The following PDSS2 variants were observed in gnomAD, a reference collection of about 807,000 sequenced individuals.
PDSS2 encodes the protein decaprenyl diphosphate synthase subunit 2.
Under a neutral mutation model 44.5 loss-of-function variants are expected in PDSS2, and 31 were observed. That is an observed-to-expected ratio of 0.70 (90% CI 0.52 to 0.94). The LOEUF (loss-of-function observed/expected upper bound fraction) is 0.94, where lower values mean the gene tolerates loss of function less well. Among genes scored for constraint, PDSS2 ranks in the 40% least tolerant of loss-of-function variants. The pLI is 0.00. For missense variants in PDSS2, 452 were observed against 482.2 expected (o/e 0.94, Z 0.59); for synonymous variants, 157 against 180.3 (o/e 0.87, Z 1.03).
At chr6:107,442,143 G>A (rs777594683) in intron 1 of PDSS2, among the ~76,000 whole-genome samples, 8 of 152,260 alleles carry the variant, frequency 5.3e-5, no homozygotes, top group East Asian at 1.9e-4. Context: ...TTGGCTAGGC[G>A]CGGTGGCTCA....
chr6:107,286,504 C>T (rs967979618), intron 2 of PDSS2, among the ~76,000 whole-genome samples: 1 of 146,244 alleles, frequency 6.8e-6, no homozygotes, highest in Non-Finnish European at 1.5e-5. Context: ...AGTGAGACTC[C>T]ATCTCAAAAA....
chr6:107,375,552 G>C (rs1009158913), intron 1 of PDSS2, among the ~76,000 whole-genome samples: 4 of 152,158 alleles, frequency 2.6e-5, no homozygotes, highest in Non-Finnish European at 4.4e-5. Flanking sequence ...AACTAAAACA[G>C]TTCAGCCCAG....
intron 1 of PDSS2, among the ~76,000 whole-genome samples, chr6:107,425,286 G>GGGTAACAGGCAGA (rs1366155511): frequency 2.0e-5 from 3 of 151,784 alleles, no homozygotes; most frequent in Non-Finnish European, 4.4e-5. Flanking sequence ...CTTTGGAACT[G>GGGTAACAGGCAGA]GGTAACAGGC....
intron 3 of PDSS2, among the ~76,000 whole-genome samples, chr6:107,261,913 T>TTTC (rs1775248413): frequency 7.2e-6 from 1 of 139,094 alleles, no homozygotes; most frequent in Non-Finnish European, 1.5e-5. Context: ...TTTTCTTTTT[T>TTTC]TTTTTTTTTT....
At chr6:107,235,004 G>A (rs1380437397) in intron 4 of PDSS2, among the ~76,000 whole-genome samples, 2 of 152,280 alleles carry the variant, frequency 1.3e-5, no homozygotes, top group East Asian at 1.9e-4. Flanking sequence ...TGAAACAAAA[G>A]TTATAAGCCA....
intron 6 of PDSS2, among the ~76,000 whole-genome samples, chr6:107,204,425 T>C (rs1052941931): frequency 1.3e-5 from 2 of 152,212 alleles, no homozygotes; most frequent in Admixed American, 6.5e-5. Context: ...TGAACATTCA[T>C]GTACATATTT....
At chr6:107,154,825 G>A in intron 7 of PDSS2, 48 bp from the exon 8 acceptor site, 1 of 1,536,084 alleles carries the variant, frequency 6.5e-7, no homozygotes, top group Admixed American at 1.7e-5. Flanking sequence ...AAGGTACACA[G>A]TAAGCACCAC....
intron 1 of PDSS2, among the ~76,000 whole-genome samples, chr6:107,418,097 T>C (rs191078989): frequency 2.0e-5 from 3 of 152,252 alleles, no homozygotes; most frequent in South Asian, 2.1e-4. Flanking sequence ...GGCTGAATAA[T>C]TGGCCCTCAA....
chr6:107,429,834 A>T (rs1415447108), intron 1 of PDSS2, among the ~76,000 whole-genome samples: 1 of 142,088 alleles, frequency 7.0e-6, no homozygotes, highest in East Asian at 2.2e-4. Flanking sequence ...CAGTGAGCCA[A>T]GATCGCGCCA....
rs1384031310 is a variant in PDSS2, at chr6:107,154,630, T to C, written c.1189A>G (p.Arg397Gly). Residue 397 changes from arginine (R) to glycine (G), a missense_variant, in exon 8 of 8, where the codon AGA becomes GGA. Arg to Gly is a moderately radical substitution (Grantham distance 125). Coordinates refer to ENST00000369037, the MANE Select transcript of PDSS2 (RefSeq NM_020381.4). ...ALENIVFAVT[R>G]FS ...TTTTTAATTTGATGTCATGAAAATCTGGTCACAGCAAACACAATGTTTTCT... is the reference window on the plus strand; with the variant it reads ...TTTTTAATTTGATGTCATGAAAATCCGGTCACAGCAAACACAATGTTTTCT... 6 of 1,614,088 alleles carry C rather than the reference T, an allele frequency of 3.7e-6. No individual in the cohort carries two copies. Among genetic ancestry groups the C allele is most frequent in the Non-Finnish European group, 5.1e-6 (6 of 1,180,026 alleles).
chr6:107,206,087 C>T (rs1447357506), intron 6 of PDSS2, among the ~76,000 whole-genome samples: 2 of 151,906 alleles, frequency 1.3e-5, no homozygotes, highest in Non-Finnish European at 2.9e-5. Flanking sequence ...TCTTTTTTTG[C>T]GGGGGACAGA....
chr6:107,380,783 A>G (rs1171749243), intron 1 of PDSS2, among the ~76,000 whole-genome samples: 1 of 152,182 alleles, frequency 6.6e-6, no homozygotes, highest in South Asian at 2.1e-4. Flanking sequence ...TGATAAATCT[A>G]TTAAGAGTTA....
intron 1 of PDSS2, among the ~76,000 whole-genome samples, chr6:107,437,150 C>G (rs80202705): frequency 0.14 from 20,682 of 152,100 alleles, 1,566 homozygotes; most frequent in East Asian, 0.25. Context: ...CAGGTGTGTG[C>G]CATCGCACTG....
At chr6:107,154,830 C>T (rs1554245264) in intron 7 of PDSS2, 53 bp from the exon 8 acceptor site, 9 of 1,517,718 alleles carry the variant, frequency 5.9e-6, no homozygotes, top group Non-Finnish European at 9.1e-7. Context: ...ACACAGTAAG[C>T]ACCACAATTA....
chr6:107,297,112 A>G (rs772129053), intron 2 of PDSS2, among the ~76,000 whole-genome samples: 17 of 152,192 alleles, frequency 1.1e-4, no homozygotes, highest in Non-Finnish European at 2.2e-4. Context: ...GGCCTCTCAC[A>G]TGGGCATAGA....
chr6:107,218,896 A>G (rs761804471), intron 4 of PDSS2, among the ~76,000 whole-genome samples: 18 of 152,100 alleles, frequency 1.2e-4, no homozygotes, highest in Non-Finnish European at 2.1e-4. Flanking sequence ...TGTCTCTACT[A>G]AAAATGCAAA....
chr6:107,395,628 TCTA>T (rs1779916652), intron 1 of PDSS2, among the ~76,000 whole-genome samples: 1 of 152,190 alleles, frequency 6.6e-6, no homozygotes. Context: ...TTTCCATTTC[TCTA>T]CTTATGTTGA....
intron 4 of PDSS2, among the ~76,000 whole-genome samples, chr6:107,213,989 TA>T (rs965671411): frequency 6.6e-6 from 1 of 151,682 alleles, no homozygotes. Flanking sequence ...AGTGGCTATA[TA>T]AAAAAAAGTG....
intron 2 of PDSS2, among the ~76,000 whole-genome samples, chr6:107,285,696 C>T (rs554803324): frequency 6.6e-6 from 1 of 152,244 alleles, no homozygotes; most frequent in Admixed American, 6.5e-5. Context: ...TGTTAGATCC[C>T]TATCTTACAC....
Sources: gnomAD v4.1 joint callset for allele counts (sites outside exome capture counted in the v4.1 genomes callset) on GRCh38, gnomAD v4.1.1 for gene constraint, MANE v1.5 for transcripts, NCBI Gene and HGNC (gene_info 2026-07-23, HGNC 2026-07-21) for gene names.